The following CRISP3 variants were observed in gnomAD, a reference collection of about 807,000 sequenced individuals.
CRISP3 encodes the protein cysteine-rich secretory protein 3.
CRISP3 carries 33 observed loss-of-function variants against 36.1 expected under a neutral mutation model. That is an observed-to-expected ratio of 0.91 (90% CI 0.69 to 1.22). The LOEUF (loss-of-function observed/expected upper bound fraction) is 1.22, where lower values mean the gene tolerates loss of function less well. Ranked by LOEUF, CRISP3 falls within the 50% of genes most tolerant of loss-of-function variation. CRISP3 has a pLI of 0.00. For synonymous variants in CRISP3, 117 were observed against 104.6 expected, an observed-to-expected ratio of 1.12 and a Z score of -0.72; for missense variants, 330 against 301.2, an observed-to-expected ratio of 1.10 and a Z score of -0.71.
At chr6:49,734,686 C>T (rs1262399677) in intron 4 of CRISP3, among the ~76,000 whole-genome samples, 1 of 152,060 alleles carries the variant, frequency 6.6e-6, no homozygotes, top group Non-Finnish European at 1.5e-5. Flanking sequence ...TAGTTACCCC[C>T]TTTCATAAAT....
chr6:49,730,393 T>G (rs1314863826), intron 7 of CRISP3, among the ~76,000 whole-genome samples: 1 of 152,106 alleles, frequency 6.6e-6, no homozygotes, highest in Non-Finnish European at 1.5e-5. Context: ...ACTTGATGAT[T>G]GTAACTACAC....
At chr6:49,728,880 A>T in intron 7 of CRISP3, 23 bp from the exon 8 acceptor site, 2 of 1,598,924 alleles carry the variant, frequency 1.3e-6, no homozygotes, top group Non-Finnish European at 1.7e-6. Context: ...CAAAGAAATT[A>T]GTCACTTCAT....
chr6:49,735,507 T>A lies in CRISP3; in HGVS notation c.313A>T (p.Thr105Ser). 5 of 1,604,214 alleles carry A rather than the reference T, an allele frequency of 3.1e-6. No individual in the cohort carries two copies. Among genetic ancestry groups the A allele is most frequent in the Non-Finnish European group, 4.3e-6 (5 of 1,173,132 alleles). The change falls in exon 4 of 8, where the codon ACA becomes TCA. Residue 105 changes from threonine (T) to serine (S), a missense_variant. Transcript: ENST00000263045. ...AAATATTTCCTAATTTACATACTTGTCATTCGATCCTTTGGGTTACTGTGT... is the reference window on the plus strand; with the variant it reads ...AAATATTTCCTAATTTACATACTTGACATTCGATCCTTTGGGTTACTGTGT... ...YRHSNPKDRM[T>S]SLKCGENLYM...
chr6:49,730,172 C>T (rs1258597764), intron 7 of CRISP3, among the ~76,000 whole-genome samples: 2 of 151,938 alleles, frequency 1.3e-5, no homozygotes, highest in Non-Finnish European at 2.9e-5. Flanking sequence ...ATTTTAGTAA[C>T]ATATCCTAGT....
intron 5 of CRISP3, 94 bp downstream of exon 5, chr6:49,733,609 T>A: frequency 7.7e-7 from 1 of 1,304,960 alleles, no homozygotes; most frequent in Non-Finnish European, 1.0e-6. Flanking sequence ...CTTGAAATTT[T>A]CCCCAAATTC....
chr6:49,735,573 C>A lies in CRISP3; in HGVS notation c.247G>T (p.Ala83Ser). Residue 83 changes from alanine (A) to serine (S), a missense_variant, in exon 4 of 8, where the codon GCA (alanine) becomes TCA (serine). Ala to Ser is a moderately conservative substitution (Grantham distance 99). Transcript: ENST00000263045. The part of the protein sequence containing the change: ...MLKMEWNKEA[A>S]ANAQKWANQC... Reference sequence around the variant, plus strand: ...TTTGCCCACTTTTGGGCATTTGCTGCAGCCTCTTTGTTCCATTCCTGAAAC... The same window carrying A: ...TTTGCCCACTTTTGGGCATTTGCTGAAGCCTCTTTGTTCCATTCCTGAAAC... 8.7e-6 allele frequency: 14 copies of A among 1,612,316 alleles called. No individual in the cohort carries two copies. The highest frequency in any genetic ancestry group is 1.2e-5 in the Non-Finnish European group (14 of 1,179,020).
chr6:49,735,402 A>G, intron 4 of CRISP3, 102 bp downstream of exon 4: 1 of 833,240 alleles, frequency 1.2e-6, no homozygotes, highest in Non-Finnish European at 1.9e-6. Flanking sequence ...AGGTAGCATT[A>G]GAAGCAATAT....
chr6:49,728,716 T>C lies in CRISP3; in HGVS notation c.*14A>G, dbSNP rs773704892. 3.7e-6 allele frequency: 6 copies of C among 1,606,520 alleles called. No homozygotes were observed. The highest frequency in any genetic ancestry group is 2.2e-5 in the East Asian group (1 of 44,666). On this transcript the variant is annotated 3_prime_UTR_variant, in exon 8 of 8. Transcript: ENST00000263045. The stretch of plus-strand genomic sequence containing the variant: ...CTCCTCTCTACATAGCCCTACTCGG[T>C]GTGTAATGCGTATTTAATAAATGCT...
chr6:49,729,688 A>C (rs938694205), intron 7 of CRISP3, among the ~76,000 whole-genome samples: 8 of 151,964 alleles, frequency 5.3e-5, no homozygotes, highest in Non-Finnish European at 1.2e-4. Flanking sequence ...TTTTTTTTGT[A>C]ATCAATACTC....
chr6:49,741,571 A>G (rs1769202562), intron 1 of CRISP3, among the ~76,000 whole-genome samples: 1 of 150,614 alleles, frequency 6.6e-6, no homozygotes, highest in Admixed American at 6.6e-5. Flanking sequence ...GCAAAGTAAT[A>G]TGACAAAAAA....
intron 2 of CRISP3, 86 bp from the exon 3 acceptor site, chr6:49,736,593 A>T (rs112281935): frequency 5.1e-6 from 5 of 974,198 alleles, no homozygotes; most frequent in Non-Finnish European, 8.2e-6. Context: ...GGGAACAAAG[A>T]CCATTTTTAA....
At chr6:49,737,014 G>A (rs1384808465) in intron 2 of CRISP3, among the ~76,000 whole-genome samples, 2 of 152,048 alleles carry the variant, frequency 1.3e-5, no homozygotes, top group East Asian at 3.9e-4. Context: ...AGAGTTTTAT[G>A]TATTACGTAG....
intron 7 of CRISP3, among the ~76,000 whole-genome samples, chr6:49,730,098 G>T (rs533561074): frequency 4.6e-5 from 7 of 152,120 alleles, no homozygotes; most frequent in Admixed American, 3.9e-4. Context: ...TTACAATTCA[G>T]TCAGGTGAAT....
At position 49,736,484 on chromosome 6, in the gene CRISP3, T is replaced by C. The variant is rs1275134980; in HGVS notation, c.135A>G (p.Leu45=). The change falls in exon 3 of 8, where the codon TTA becomes TTG. Residue 45 remains leucine (L), a synonymous_variant. Transcript: ENST00000263045. The part of the protein sequence containing the change: ...EDKDPAFTAL[L]TTQTQVQREI... ...CCCTTTGCACTTGTGTTTGGGTGGT[T>C]AACAAAGCAGTAAAAGCGGGATCCT... 1 of 1,613,474 alleles carries C rather than the reference T, an allele frequency of 6.2e-7. No homozygotes were observed. The highest frequency in any genetic ancestry group is 2.2e-5 in the East Asian group (1 of 44,860).
Position 49,737,540 on chromosome 6 carries a change from T to C in CRISP3, c.38-142A>G, listed in dbSNP as rs1769089650. On this transcript the variant is annotated intron_variant, in intron 1 of 7. Coordinates refer to ENST00000263045, the MANE Select transcript of CRISP3 (RefSeq NM_006061.4). ...ATGTAACAGGAGAAGACTTGTCACA[T>C]GGAGCCAGCAGAATGACAGTGGATT... The C allele has an allele frequency of 1.9e-5, 16 of 837,570 alleles. No homozygotes were observed. The Admixed American group carries it at 3.6e-4, about 19-fold the overall frequency. The allele number at this position is 837,570 out of a possible 1,614,324, so 51.9% of individuals were successfully genotyped here.
intron 6 of CRISP3, 63 bp from the exon 7 acceptor site, chr6:49,731,314 T>C: frequency 1.0e-6 from 1 of 970,630 alleles, no homozygotes; most frequent in South Asian, 1.6e-5. Flanking sequence ...TGTTCCAAGG[T>C]TAGTATCAGT....
chr6:49,729,012 A>G lies in CRISP3; in HGVS notation c.650-155T>C, dbSNP rs111343710. On this transcript the variant is annotated intron_variant, in intron 7 of 7. Coordinates refer to ENST00000263045, the MANE Select transcript of CRISP3 (RefSeq NM_006061.4). ...GGCCATTTTATATCTTGAGGGACACATAAGGTCACTTAGGTAAACACGCTG... is the reference window on the plus strand; with the variant it reads ...GGCCATTTTATATCTTGAGGGACACGTAAGGTCACTTAGGTAAACACGCTG... Among the ~76,000 whole-genome samples, 235 of 152,268 alleles carry G rather than the reference A, an allele frequency of 1.5e-3. 2 individuals carry two copies. Among genetic ancestry groups the G allele is most frequent in the Middle Eastern group, 3.4e-3 (1 of 294 alleles).
intron 7 of CRISP3, among the ~76,000 whole-genome samples, chr6:49,730,110 C>T (rs1342823437): frequency 1.3e-5 from 2 of 151,970 alleles, no homozygotes; most frequent in African/African-American, 4.8e-5. Context: ...CAGGTGAATG[C>T]ATTTGAAAGG....
chr6:49,735,468 T>C, intron 4 of CRISP3, 36 bp downstream of exon 4: 1 of 1,469,574 alleles, frequency 6.8e-7, no homozygotes, highest in Non-Finnish European at 9.4e-7. Flanking sequence ...ATTTTACTTG[T>C]TGATTTATTC....
Sources: gnomAD v4.1 joint callset for allele counts (sites outside exome capture counted in the v4.1 genomes callset) on GRCh38, gnomAD v4.1.1 for gene constraint, MANE v1.5 for transcripts, NCBI Gene and HGNC (gene_info 2026-07-23, HGNC 2026-07-21) for gene names.